The following NT5DC3 variants were observed in gnomAD, a reference collection of about 807,000 sequenced individuals.
The protein encoded by NT5DC3 is 5'-nucleotidase domain-containing protein 3.
In NT5DC3, 42 loss-of-function variants were observed where a neutral mutation model predicts 67.8. The observed-to-expected ratio is 0.62, with a 90% CI of 0.48 to 0.80. The LOEUF (loss-of-function observed/expected upper bound fraction) is 0.80. NT5DC3 is among the 30% of genes least tolerant of loss of function. The pLI, the probability that NT5DC3 is intolerant of heterozygous loss-of-function variation, is 0.00. For missense variants in NT5DC3, 570 were observed against 696.4 expected, an observed-to-expected ratio of 0.82 and a Z score of 2.04; for synonymous variants, 237 against 255.6, an observed-to-expected ratio of 0.93 and a Z score of 0.69.
In NT5DC3 at chr12:103,777,205, G is replaced by T. The variant is rs1459619686; in HGVS notation, c.*624C>A. The T allele has an allele frequency of 6.5e-6, 1 of 153,014 alleles. No individual in the cohort carries two copies. The highest frequency in any genetic ancestry group is 1.5e-5 in the Non-Finnish European group (1 of 68,682). 9.5% of individuals were successfully genotyped at this position (153,014 alleles called of 1,614,324 possible). On this transcript the variant is annotated 3_prime_UTR_variant, in exon 14 of 14. Coordinates refer to ENST00000392876, the MANE Select transcript of NT5DC3 (RefSeq NM_001031701.3). Reference sequence around the variant, plus strand: ...GGAACCACACACTGAGGACAAAAGGGTCCAGGAGTTGCAGCTTCTCTTGTT... The same window carrying T: ...GGAACCACACACTGAGGACAAAAGGTTCCAGGAGTTGCAGCTTCTCTTGTT...
chr12:103,797,985 G>A (rs949878124), intron 5 of NT5DC3, among the ~76,000 whole-genome samples: 2 of 152,136 alleles, frequency 1.3e-5, no homozygotes, highest in Admixed American at 1.3e-4. Context: ...ATTGAATACT[G>A]TAATTTATGT....
At chr12:103,825,013 G>A (rs1887632998) in intron 1 of NT5DC3, among the ~76,000 whole-genome samples, 1 of 152,180 alleles carries the variant, frequency 6.6e-6, no homozygotes, top group Admixed American at 6.5e-5. Flanking sequence ...CACAGGCAGT[G>A]GGGAAGACCA....
the NT5DC3 span, chr12:103,759,037 C>T: frequency 6.3e-7 from 1 of 1,596,312 alleles, no homozygotes; most frequent in African/African-American, 1.3e-5. Flanking sequence ...AAAGCCTAGG[C>T]CATGAGAAGC....
chr12:103,805,870 A>C (rs1349840556), intron 4 of NT5DC3, among the ~76,000 whole-genome samples: 2 of 131,638 alleles, frequency 1.5e-5, no homozygotes, highest in Non-Finnish European at 3.2e-5. Flanking sequence ...AAAAAAAAAA[A>C]GTCTCAATAT....
Position 103,777,891 on chromosome 12 carries a change from C to A in NT5DC3, c.1585G>T (p.Ala529Ser). ...RRTPLQHELP[A>S]WSERPPTFGT... ...AAGGTGGGGGGCCTTTCTGACCAGGCGGGCAGTTCGTGCTGCAGTGGAGTC... is the reference window on the plus strand; with the variant it reads ...AAGGTGGGGGGCCTTTCTGACCAGGAGGGCAGTTCGTGCTGCAGTGGAGTC... The change falls in exon 14 of 14, where the codon GCC becomes TCC. Residue 529 changes from alanine (A) to serine (S), a missense_variant. Physicochemically the swap from Ala to Ser is moderately conservative, Grantham distance 99 (BLOSUM62 1). Around this residue, in one of 2 missense-constraint regions of NT5DC3, gnomAD observed 466 missense variants for 608.0 expected, o/e 0.77. Transcript: ENST00000392876. 5 of 1,614,176 alleles carry A rather than the reference C, an allele frequency of 3.1e-6. No homozygotes were observed. The highest frequency in any genetic ancestry group is 4.2e-6 in the Non-Finnish European group (5 of 1,180,038).
the NT5DC3 span, chr12:103,746,800 C>G: frequency 8.3e-7 from 1 of 1,206,144 alleles, no homozygotes; most frequent in Non-Finnish European, 1.2e-6. Flanking sequence ...GCCCTCCTTC[C>G]TGTCTGGGCC....
the NT5DC3 span, chr12:103,746,686 G>A: frequency 3.1e-6 from 5 of 1,613,960 alleles, no homozygotes; most frequent in African/African-American, 5.3e-5. Context: ...TTATGAAGGT[G>A]ACGGAATCAC....
intron 1 of NT5DC3, among the ~76,000 whole-genome samples, chr12:103,829,789 A>T (rs1346935318): frequency 6.6e-6 from 1 of 151,960 alleles, no homozygotes; most frequent in Non-Finnish European, 1.5e-5. Flanking sequence ...ACTTCCATCT[A>T]AGACCTTTGG....
chr12:103,763,771 G>T, the NT5DC3 span: 1 of 633,130 alleles, frequency 1.6e-6, no homozygotes, highest in South Asian at 2.1e-5. Flanking sequence ...ACTGAAGCCA[G>T]TGTGGTTGCT....
At chr12:103,827,689 G>A (rs11111803) in intron 1 of NT5DC3, among the ~76,000 whole-genome samples, 22,833 of 152,012 alleles carry the variant, frequency 0.15, 1,846 homozygotes, top group Middle Eastern at 0.29. Context: ...CTCAAATTAA[G>A]GACCAATCCT....
chr12:103,782,411 G>A (rs1209492007), intron 12 of NT5DC3, among the ~76,000 whole-genome samples: 2 of 152,126 alleles, frequency 1.3e-5, no homozygotes, highest in African/African-American at 4.8e-5. Context: ...AAAATTACAT[G>A]AAAGTCAAAT....
the NT5DC3 span, among the ~76,000 whole-genome samples, chr12:103,754,720 C>T: frequency 3.9e-5 from 6 of 152,174 alleles, no homozygotes; most frequent in East Asian, 7.7e-4. Context: ...GAGCCAGAGG[C>T]GGGTGGATCA....
chr12:103,772,944 C>G lies in NT5DC3; in HGVS notation c.*4885G>C, dbSNP rs1245518020. The G allele has an allele frequency of 6.6e-6, 1 of 152,166 alleles. No homozygotes were observed. The highest frequency in any genetic ancestry group is 1.9e-4 in the East Asian group (1 of 5,196). 9.4% of individuals were successfully genotyped at this position (152,166 alleles called of 1,614,324 possible). ...TCATCCGGGCAGCTGAGCTCAGCAC[C>G]CAGCACTAGCACAATTACAAACTAA... On this transcript the variant is annotated 3_prime_UTR_variant, in exon 14 of 14. Coordinates refer to ENST00000392876, the MANE Select transcript of NT5DC3 (RefSeq NM_001031701.3).
intron 2 of NT5DC3, among the ~76,000 whole-genome samples, chr12:103,807,572 C>A (rs1363359231): frequency 6.6e-6 from 1 of 152,200 alleles, no homozygotes; most frequent in Non-Finnish European, 1.5e-5. Context: ...GGCTGTCAGA[C>A]ACAGCATTCC....
intron 2 of NT5DC3, among the ~76,000 whole-genome samples, chr12:103,807,988 C>T (rs1236250209): frequency 2.0e-5 from 3 of 152,164 alleles, no homozygotes; most frequent in Admixed American, 6.5e-5. Flanking sequence ...AGCATGAAAA[C>T]GAAACTAATA....
chr12:103,756,997 ATATATATATATAT>A, the NT5DC3 span, among the ~76,000 whole-genome samples: 90 of 130,150 alleles, frequency 6.9e-4, 1 homozygote, highest in East Asian at 6.3e-3. Flanking sequence ...AGGAGGGAAA[ATATATATATATAT>A]ATATATATAT....
At chr12:103,837,994 AAG>A (rs1240614305) in intron 1 of NT5DC3, among the ~76,000 whole-genome samples, 1 of 152,190 alleles carries the variant, frequency 6.6e-6, no homozygotes, top group African/African-American at 2.4e-5. Context: ...TGGGAAGAAA[AAG>A]AGGTTTACTT....
intron 4 of NT5DC3, among the ~76,000 whole-genome samples, chr12:103,799,431 A>G (rs930340469): frequency 6.6e-6 from 1 of 152,190 alleles, no homozygotes; most frequent in Admixed American, 6.5e-5. Flanking sequence ...TGATGATTTT[A>G]TTAGGAGTTT....
At chr12:103,831,283 C>A (rs1018082677) in intron 1 of NT5DC3, among the ~76,000 whole-genome samples, 1 of 152,132 alleles carries the variant, frequency 6.6e-6, no homozygotes, top group Non-Finnish European at 1.5e-5. Flanking sequence ...TCTCCTGATG[C>A]CCTGTGAAGA....
Sources: allele counts gnomAD v4.1 joint callset (sites outside exome capture counted in the v4.1 genomes callset), GRCh38; gene constraint gnomAD v4.1.1; regional missense constraint gnomAD v4.1.1; transcripts MANE v1.5; gene names NCBI Gene and HGNC (gene_info 2026-07-23, HGNC 2026-07-21).